The following ITPR1 variants were observed in gnomAD, a reference collection of about 807,000 sequenced individuals.
ITPR1 encodes the protein inositol 1,4,5-trisphosphate-gated calcium channel ITPR1.
Under a neutral mutation model 318.4 loss-of-function variants are expected in ITPR1, and 96 were observed. The observed-to-expected ratio is 0.30, with a 90% CI of 0.26 to 0.36. The LOEUF is 0.36. ITPR1 is among the 10% of genes least tolerant of loss of function. The probability of loss-of-function intolerance (pLI) is 1.00; values close to 1 mark genes in which losing one functional copy is unlikely to be tolerated. For missense variants in ITPR1, 2,440 were observed against 3,460.2 expected (o/e 0.71, Z 7.40); for synonymous variants, 1,312 against 1,289.9 (o/e 1.02, Z -0.37).
Position 4,768,688 on chromosome 3 carries a change from G to C in ITPR1, c.5903G>C (p.Ser1968Thr). Residue 1968 changes from serine to threonine, a missense_variant, in exon 46 of 62, where the codon AGC becomes ACC. Physicochemically the swap from Ser to Thr is moderately conservative, Grantham distance 58. Around this residue, in one of 23 missense-constraint regions of ITPR1, gnomAD observed 113 missense variants for 103.6 expected, o/e 1.09. Coordinates refer to ENST00000649015, the MANE Select transcript of ITPR1 (RefSeq NM_001378452.1). ...AAGGCCAAGGACGACCTGGAGATGA[G>C]CGCGGTCATCACCATCATGCAGCCC... ...ADKAKDDLEM[S>T]AVITIMQPIL... 1 of 1,613,616 alleles carries C rather than the reference G, an allele frequency of 6.2e-7. No individual in the cohort carries two copies. The highest frequency in any genetic ancestry group is 8.5e-7 in the Non-Finnish European group (1 of 1,179,644).
intron 31 of ITPR1, among the ~76,000 whole-genome samples, chr3:4,690,174 C>A (rs890441012): frequency 3.9e-5 from 6 of 152,144 alleles, no homozygotes; most frequent in South Asian, 2.1e-4. Flanking sequence ...TACTTGGAGG[C>A]TGAGGCAGGA....
At chr3:4,820,479 T>C (rs1208296668) in intron 60 of ITPR1, among the ~76,000 whole-genome samples, 1 of 152,172 alleles carries the variant, frequency 6.6e-6, no homozygotes, top group Non-Finnish European at 1.5e-5. Flanking sequence ...TAAAGGCGTC[T>C]TGTGAGCAGT....
chr3:4,746,155 CT>C (rs761244306), intron 44 of ITPR1, among the ~76,000 whole-genome samples: 2 of 152,334 alleles, frequency 1.3e-5, no homozygotes, highest in East Asian at 3.9e-4. Flanking sequence ...ACCTGTCAGC[CT>C]TTTTGCCTGG....
chr3:4,703,386 T>C (rs960103124), intron 36 of ITPR1, among the ~76,000 whole-genome samples: 7 of 152,182 alleles, frequency 4.6e-5, no homozygotes, highest in East Asian at 1.9e-4. Context: ...TGCTCCCTTC[T>C]TCCCCTTGAG....
chr3:4,670,993 C>T, intron 20 of ITPR1, 67 bp downstream of exon 20: 1 of 1,186,712 alleles, frequency 8.4e-7, no homozygotes, highest in Non-Finnish European at 1.1e-6. Context: ...GAATTTGTTG[C>T]TCGTTTGTTG....
rs961163389 is a variant in ITPR1 at position 4,693,870 on chromosome 3, G to A, written c.4281+129G>A. On this transcript the variant is annotated intron_variant, in intron 33 of 61. Coordinates refer to ENST00000649015, the MANE Select transcript of ITPR1 (RefSeq NM_001378452.1). Reference sequence around the variant, plus strand: ...GGCTCTGAAAGCTGCAGCTCATTTTGTAGTGGGATTTCAGTTCCCTAAAAC... The same window carrying A: ...GGCTCTGAAAGCTGCAGCTCATTTTATAGTGGGATTTCAGTTCCCTAAAAC... 7.5e-6 allele frequency: 7 copies of A among 937,208 alleles called. No homozygotes were observed. The South Asian group carries it at 1.1e-4, about 14-fold the overall frequency. 58.1% of individuals were successfully genotyped at this position (937,208 alleles called of 1,614,324 possible).
intron 37 of ITPR1, among the ~76,000 whole-genome samples, chr3:4,708,472 T>A (rs1302722486): frequency 6.6e-6 from 1 of 152,184 alleles, no homozygotes; most frequent in Non-Finnish European, 1.5e-5. Context: ...CACAACCAGT[T>A]CTTAAATAAC....
At chr3:4,759,422 G>A (rs2045271939) in intron 44 of ITPR1, among the ~76,000 whole-genome samples, 1 of 152,198 alleles carries the variant, frequency 6.6e-6, no homozygotes, top group African/African-American at 2.4e-5. Context: ...TGTAAACTCG[G>A]GTTGTAGTTT....
At chr3:4,622,036 T>C (rs2092655097) in intron 4 of ITPR1, among the ~76,000 whole-genome samples, 1 of 152,142 alleles carries the variant, frequency 6.6e-6, no homozygotes, top group Non-Finnish European at 1.5e-5. Context: ...TCACTGGTAT[T>C]GTGGTAACAG....
chr3:4,693,887 C>T (rs1013792642), intron 33 of ITPR1, 146 bp downstream of exon 33: 4 of 795,486 alleles, frequency 5.0e-6, no homozygotes, highest in Non-Finnish European at 7.8e-6. Flanking sequence ...GATTTCAGTT[C>T]CCTAAAACAT....
chr3:4,800,504 G>A lies in ITPR1; in HGVS notation c.7011G>A (p.Lys2337=), dbSNP rs1404381595. 8 of 1,614,024 alleles carry A rather than the reference G, an allele frequency of 5.0e-6. No homozygotes were observed. The highest frequency in any genetic ancestry group is 1.1e-5 in the South Asian group (1 of 91,084). The change falls in exon 54 of 62, where the codon AAG becomes AAA. Residue 2337 remains lysine, a synonymous_variant. Coordinates refer to ENST00000649015, the MANE Select transcript of ITPR1 (RefSeq NM_001378452.1). Reference sequence around the variant, plus strand: ...TGGCCATCGTCATTGCCCTCCCCAAGCCCCATGGCATCCGGGCCTTAATTG... The same window carrying A: ...TGGCCATCGTCATTGCCCTCCCCAAACCCCATGGCATCCGGGCCTTAATTG... The part of the protein sequence containing the change: ...ISLAIVIALP[K]PHGIRALIAS...
chr3:4,515,851 T>G (rs1281281533), intron 2 of ITPR1, among the ~76,000 whole-genome samples: 1 of 152,202 alleles, frequency 6.6e-6, no homozygotes, highest in Non-Finnish European at 1.5e-5. Context: ...AAGTGTTTCT[T>G]GGTGAAGGAT....
intron 4 of ITPR1, among the ~76,000 whole-genome samples, chr3:4,580,001 G>T (rs2089138254): frequency 6.6e-6 from 1 of 152,166 alleles, no homozygotes; most frequent in African/African-American, 2.4e-5. Flanking sequence ...ACGAAGTCAG[G>T]AGATCGAGAC....
chr3:4,644,156 G>A lies in ITPR1; in HGVS notation c.546G>A (p.Val182=). The change falls in exon 8 of 62, where the codon GTG becomes GTA. Residue 182 remains valine, a synonymous_variant. Coordinates refer to ENST00000649015, the MANE Select transcript of ITPR1 (RefSeq NM_001378452.1). ...TCCAGGTGGTCATAGGTGACAAGGT[G>A]GTTCTGAACCCCGTCAATGCTGGTC... ...IGDSVVIGDK[V]VLNPVNAGQP... is the part of the protein sequence containing the mutation. 1 of 1,611,656 alleles carries A rather than the reference G, an allele frequency of 6.2e-7. No homozygotes were observed. Among genetic ancestry groups the A allele is most frequent in the East Asian group, 2.2e-5 (1 of 44,838 alleles).
chr3:4,552,845 A>G (rs553815708), intron 4 of ITPR1, among the ~76,000 whole-genome samples: 2 of 152,282 alleles, frequency 1.3e-5, no homozygotes, highest in South Asian at 2.1e-4. Flanking sequence ...ACTCATTAGC[A>G]TGCAAAAGAC....
intron 24 of ITPR1, among the ~76,000 whole-genome samples, chr3:4,677,793 T>C (rs76242092): frequency 0.038 from 5,796 of 151,578 alleles, 337 homozygotes; most frequent in African/African-American, 0.13. Flanking sequence ...ACAGGGAGAG[T>C]TTGTTGCTGT....
At position 4,676,809 on chromosome 3, in the gene ITPR1, C is replaced by T. The variant is rs1166014936; in HGVS notation, c.2967+8C>T. ...ATCATTGAGATACTCCAGGTATCCA[C>T]TAGCTGGAGCTGGGGTAGGGAGGGT... On this transcript the variant is annotated splice_region_variant and intron_variant, in intron 24 of 61. Transcript: ENST00000649015. 6.3e-6 allele frequency: 10 copies of T among 1,599,676 alleles called. No homozygotes were observed. In the Admixed American group the frequency reaches 1.5e-4, roughly 24 times the overall value.
chr3:4,571,842 C>A (rs960808520), intron 4 of ITPR1, among the ~76,000 whole-genome samples: 1 of 152,044 alleles, frequency 6.6e-6, no homozygotes, highest in African/African-American at 2.4e-5. Context: ...ACTTTGAGAC[C>A]CTTGTTTCAT....
At chr3:4,764,280 T>A (rs190332759) in intron 44 of ITPR1, among the ~76,000 whole-genome samples, 2 of 152,380 alleles carry the variant, frequency 1.3e-5, no homozygotes, top group Non-Finnish European at 2.9e-5. Flanking sequence ...TTCATTTATT[T>A]TGGAGATTTA....
Sources: allele counts gnomAD v4.1 joint callset (sites outside exome capture counted in the v4.1 genomes callset), GRCh38; gene constraint gnomAD v4.1.1; regional missense constraint gnomAD v4.1.1; transcripts MANE v1.5; gene names NCBI Gene and HGNC (gene_info 2026-07-23, HGNC 2026-07-21).